Variants in TRHDE observed in about 807,000 individuals in gnomAD.
The protein encoded by TRHDE is thyrotropin releasing hormone degrading enzyme.
A neutral mutation model predicts 125.7 loss-of-function variants in TRHDE; 72 were observed. The observed-to-expected ratio is 0.57, with a 90% CI of 0.47 to 0.70. The LOEUF (loss-of-function observed/expected upper bound fraction) is 0.70. TRHDE is among the 30% of genes least tolerant of loss of function. The pLI, the probability that TRHDE is intolerant of heterozygous loss-of-function variation, is 0.00. For missense variants in TRHDE, 1,110 were observed against 1,327.1 expected (o/e 0.84, Z 2.54); for synonymous variants, 509 against 509.1 (o/e 1.00, Z 0.00).
intron 1 of TRHDE, among the ~76,000 whole-genome samples, chr12:72,286,045 T>C (rs986828148): frequency 2.0e-5 from 3 of 152,230 alleles, no homozygotes; most frequent in Non-Finnish European, 4.4e-5. Flanking sequence ...AGCTGTGCAA[T>C]ACTTTTTGAG....
chr12:72,202,271 CAGG>C (rs1877575034), intron 2 of TRHDE, among the ~76,000 whole-genome samples: 1 of 152,108 alleles, frequency 6.6e-6, no homozygotes, highest in African/African-American at 2.4e-5. Flanking sequence ...GGAGCCTTGA[CAGG>C]AGATCTGAGG....
intron 15 of TRHDE, among the ~76,000 whole-genome samples, chr12:72,638,527 G>A (rs1318586698): frequency 1.3e-5 from 2 of 151,166 alleles, no homozygotes; most frequent in Non-Finnish European, 2.9e-5. Flanking sequence ...ATTGTTATGT[G>A]TGAATTTGAT....
chr12:72,212,227 T>C (rs901002082), intron 2 of TRHDE, among the ~76,000 whole-genome samples: 9 of 152,022 alleles, frequency 5.9e-5, no homozygotes, highest in African/African-American at 1.7e-4. Context: ...ACGTGTTAAA[T>C]TGACAAAACA....
intron 2 of TRHDE, among the ~76,000 whole-genome samples, chr12:72,287,308 T>G (rs1439338268): frequency 4.6e-5 from 7 of 152,192 alleles, no homozygotes; most frequent in Admixed American, 2.0e-4. Flanking sequence ...CTTTTTATTG[T>G]AATGTATTTG....
chr12:72,642,278 C>T (rs1188432896), intron 15 of TRHDE, among the ~76,000 whole-genome samples: 1 of 152,054 alleles, frequency 6.6e-6, no homozygotes, highest in African/African-American at 2.4e-5. Context: ...ATTTTTCTAC[C>T]TACTTAATTT....
At chr12:72,209,424 C>A (rs1208510060) in intron 2 of TRHDE, among the ~76,000 whole-genome samples, 1 of 152,118 alleles carries the variant, frequency 6.6e-6, no homozygotes, top group Non-Finnish European at 1.5e-5. Context: ...ATTTTATTTT[C>A]TAATTTGGGG....
intron 2 of TRHDE, among the ~76,000 whole-genome samples, chr12:72,127,781 G>A (rs181721168): frequency 3.3e-5 from 5 of 152,044 alleles, no homozygotes; most frequent in African/African-American, 7.2e-5. Context: ...CACAATATAC[G>A]TACATAACAA....
chr12:72,426,104 T>A (rs1874174257), intron 3 of TRHDE, among the ~76,000 whole-genome samples: 1 of 152,118 alleles, frequency 6.6e-6, no homozygotes, highest in African/African-American at 2.4e-5. Flanking sequence ...GACAATAGTA[T>A]GTATAACCTC....
At chr12:72,480,174 A>T (rs376635150) in intron 5 of TRHDE, among the ~76,000 whole-genome samples, 3 of 151,792 alleles carry the variant, frequency 2.0e-5, no homozygotes, top group Admixed American at 6.6e-5. Flanking sequence ...TTGGGTATAT[A>T]CCCAGTAATG....
At chr12:72,476,792 G>C (rs1876915365) in intron 5 of TRHDE, among the ~76,000 whole-genome samples, 1 of 152,162 alleles carries the variant, frequency 6.6e-6, no homozygotes, top group Non-Finnish European at 1.5e-5. Flanking sequence ...TTGTTAAGGA[G>C]GCTCTTGTTC....
intron 2 of TRHDE, among the ~76,000 whole-genome samples, chr12:72,216,968 GTTT>G (rs35842638): frequency 6.7e-6 from 1 of 148,456 alleles, no homozygotes. Context: ...GGTAATGCTA[GTTT>G]TTTTTTTTTT....
chr12:72,457,539 G>T (rs1875916581), intron 3 of TRHDE, among the ~76,000 whole-genome samples: 1 of 151,790 alleles, frequency 6.6e-6, no homozygotes, highest in African/African-American at 2.4e-5. Context: ...AAAAAATTAA[G>T]CAACCTTTGG....
intron 2 of TRHDE, among the ~76,000 whole-genome samples, chr12:72,133,511 T>G (rs111508393): frequency 0.038 from 5,843 of 152,296 alleles, 212 homozygotes; most frequent in South Asian, 0.11. Context: ...ATAAGATGCC[T>G]GGGCTAGAAC....
intron 2 of TRHDE, among the ~76,000 whole-genome samples, chr12:72,163,696 C>T (rs1592465348): frequency 6.6e-6 from 1 of 152,104 alleles, no homozygotes; most frequent in African/African-American, 2.4e-5. Context: ...TTAATGGCGG[C>T]TTAAGCTAAA....
chr12:72,312,966 C>T (rs1416011464), intron 2 of TRHDE, among the ~76,000 whole-genome samples: 17 of 152,006 alleles, frequency 1.1e-4, no homozygotes, highest in Non-Finnish European at 1.9e-4. Context: ...AGGAAGTCTT[C>T]CTTCCTCTCT....
At chr12:72,166,330 C>T (rs779388265) in intron 2 of TRHDE, among the ~76,000 whole-genome samples, 20 of 151,314 alleles carry the variant, frequency 1.3e-4, no homozygotes, top group Non-Finnish European at 2.9e-4. Context: ...CACACACACA[C>T]ATATACACAT....
rs1419154323 is a variant in TRHDE at position 72,324,126 on chromosome 12, T to C, written c.1188+37172T>C. ...CACTTTCTTCCTTGGAACCAAAAAG[T>C]CTAACAAAAGTGAGTAGTGAGGCTG... On this transcript the variant is annotated intron_variant, in intron 2 of 18. Transcript: ENST00000261180. Among the ~76,000 whole-genome samples, 4 of 152,206 alleles carry C rather than the reference T, an allele frequency of 2.6e-5. No individual in the cohort carries two copies. The East Asian group carries it at 5.8e-4, about 22-fold the overall frequency.
chr12:72,181,894 A>G (rs776974830), intron 2 of TRHDE, among the ~76,000 whole-genome samples: 1 of 152,062 alleles, frequency 6.6e-6, no homozygotes, highest in Admixed American at 6.5e-5. Context: ...CCCACTTATT[A>G]TGTTGTTTTT....
chr12:72,459,260 C>T (rs1288698877), intron 3 of TRHDE, among the ~76,000 whole-genome samples: 2 of 152,144 alleles, frequency 1.3e-5, no homozygotes, highest in Non-Finnish European at 2.9e-5. Context: ...CCAGGATATT[C>T]TTCCCATCTT....
Sources: allele counts gnomAD v4.1 joint callset (sites outside exome capture counted in the v4.1 genomes callset), GRCh38; gene constraint gnomAD v4.1.1; transcripts MANE v1.5; gene names NCBI Gene and HGNC (gene_info 2026-07-23, HGNC 2026-07-21).